The following EML1 variants were observed in gnomAD, a reference collection of about 807,000 sequenced individuals.
EML1 encodes EMAP like 1.
A neutral mutation model predicts 110.4 loss-of-function variants in EML1; 27 were observed. The ratio of observed to expected loss-of-function variants is 0.24; its 90% confidence interval spans 0.18 to 0.34. The LOEUF (loss-of-function observed/expected upper bound fraction) is 0.34. Among genes scored for constraint, EML1 ranks in the 10% least tolerant of loss-of-function variants. The pLI, the probability that EML1 is intolerant of heterozygous loss-of-function variation, is 1.00. For missense variants in EML1, 741 were observed against 1,030.9 expected (o/e 0.72, Z 3.85); for synonymous variants, 344 against 385.8 (o/e 0.89, Z 1.27).
At chr14:99,759,576 C>T (rs1293772982) in intron 1 of EML1, among the ~76,000 whole-genome samples, 2 of 152,240 alleles carry the variant, frequency 1.3e-5, no homozygotes, top group Non-Finnish European at 2.9e-5. Flanking sequence ...CCTGTCCTTT[C>T]ATCCTCCTGA....
intron 3 of EML1, among the ~76,000 whole-genome samples, chr14:99,876,206 G>A (rs1042177161): frequency 6.6e-6 from 1 of 152,112 alleles, no homozygotes; most frequent in Non-Finnish European, 1.5e-5. Flanking sequence ...GCCAGCCCCA[G>A]GCAGGAGCTG....
intron 1 of EML1, among the ~76,000 whole-genome samples, chr14:99,757,795 C>T (rs551476320): frequency 1.3e-5 from 2 of 152,322 alleles, no homozygotes; most frequent in African/African-American, 4.8e-5. Flanking sequence ...ATGAAGCTCC[C>T]TGAATAAAAT....
chr14:99,850,223 T>C (rs1029462499), intron 1 of EML1: 49 of 1,191,092 alleles, frequency 4.1e-5, no homozygotes, highest in Non-Finnish European at 5.4e-5. Flanking sequence ...GTTCTCTGGT[T>C]GGAGCACAGT....
At chr14:99,871,237 G>A (rs1415943192) in intron 3 of EML1, among the ~76,000 whole-genome samples, 1 of 152,192 alleles carries the variant, frequency 6.6e-6, no homozygotes, top group East Asian at 1.9e-4. Flanking sequence ...GATTACAGGC[G>A]TGAGCCACCG....
rs765824219 is a variant in EML1 at position 99,865,496 on chromosome 14, T to C, written c.251-18T>C. 4 of 1,612,918 alleles carry C rather than the reference T, an allele frequency of 2.5e-6. No individual in the cohort carries two copies. The Admixed American group carries it at 5.0e-5, about 20-fold the overall frequency. On this transcript the variant is annotated intron_variant, in intron 2 of 21. Transcript: ENST00000262233. ...GCAAAGGGGAACTTTCTGATATTAT[T>C]TTCTGCTTGTCTTACAGCAAGACCA...
intron 1 of EML1, among the ~76,000 whole-genome samples, chr14:99,787,336 C>T (rs2057612528): frequency 7.0e-6 from 1 of 143,834 alleles, no homozygotes; most frequent in African/African-American, 2.6e-5. Flanking sequence ...GCGGTGGGCA[C>T]GATCTTGGCT....
rs377087806 is a variant in EML1, at chr14:99,912,265, A to G, written c.1494+689A>G. 1.6e-4 allele frequency among the ~76,000 whole-genome samples: 24 copies of G among 152,324 alleles called. No individual in the cohort carries two copies. In the East Asian group the frequency reaches 1.7e-3, roughly 11 times the overall value. On this transcript the variant is annotated intron_variant, in intron 13 of 21. Coordinates refer to ENST00000262233, the MANE Select transcript of EML1 (RefSeq NM_004434.3). ...AGTATTTGTTGAGTATCTACTTCGT[A>G]CATGGCCCTCAGCTAAGTGCCAATG...
chr14:99,748,233 C>T (rs1171102620), intron 1 of EML1, among the ~76,000 whole-genome samples: 4 of 152,090 alleles, frequency 2.6e-5, no homozygotes, highest in African/African-American at 7.2e-5. Context: ...AGCCCCTGCC[C>T]GCAGCCCCAG....
intron 1 of EML1, among the ~76,000 whole-genome samples, chr14:99,747,187 C>A (rs1275988409): frequency 2.4e-3 from 232 of 95,508 alleles, no homozygotes; most frequent in Middle Eastern, 6.7e-3. Context: ...GACCCCGTCT[C>A]AAAAAAAAAA....
chr14:99,824,815 A>G lies in EML1; in HGVS notation c.68-26038A>G, dbSNP rs191288809. 8.2e-4 allele frequency among the ~76,000 whole-genome samples: 124 copies of G among 152,092 alleles called. 1 individual carries two copies. Among genetic ancestry groups the G allele is most frequent in the African/African-American group, 2.7e-3 (113 of 41,492 alleles). ...TGGAGCCTCCAGTGTCTATTATTCC[A>G]CTGTGTGTCCATGTGAACCACTGTT... On this transcript the variant is annotated intron_variant, in intron 1 of 21. Transcript: ENST00000262233.
chr14:99,912,933 C>T (rs577506813), intron 13 of EML1, among the ~76,000 whole-genome samples: 1 of 152,348 alleles, frequency 6.6e-6, no homozygotes, highest in South Asian at 2.1e-4. Context: ...GAGGCTGCTT[C>T]TTTCCTGGAA....
At chr14:99,875,472 G>A (rs570112706) in intron 3 of EML1, among the ~76,000 whole-genome samples, 2 of 152,298 alleles carry the variant, frequency 1.3e-5, no homozygotes, top group Admixed American at 1.3e-4. Context: ...CAGCCACCAG[G>A]TTGAGTGTTA....
Position 99,783,492 on chromosome 14 carries a change from T to G in EML1, c.-27+9479T>G, listed in dbSNP as rs1461860128. Among the ~76,000 whole-genome samples the G allele has an allele frequency of 4.4e-4, 66 of 151,280 alleles. No homozygotes were observed. In the South Asian group the frequency reaches 8.0e-3, roughly 18 times the overall value. On this transcript the variant is annotated intron_variant, in intron 1 of 22. Coordinates refer to the EML1 transcript ENST00000327921. ...TCCAGAGTTAAAGGGGTACTTTTTT[T>G]TTTTTTTTTTGAGACAGAGTCTTGC...
At chr14:99,783,605 C>G (rs1415899864) in intron 1 of EML1, among the ~76,000 whole-genome samples, 1 of 151,884 alleles carries the variant, frequency 6.6e-6, no homozygotes, top group Non-Finnish European at 1.5e-5. Flanking sequence ...CTGCCTCAGC[C>G]TCCTGAGTAG....
upstream of EML1, among the ~76,000 whole-genome samples, chr14:99,793,153 G>T (rs1004758961): frequency 8.1e-5 from 12 of 148,508 alleles, no homozygotes; most frequent in African/African-American, 2.9e-4. Flanking sequence ...CGCCCCTGCG[G>T]CTCCCAGGCC....
intron 6 of EML1, 24 bp downstream of exon 6, chr14:99,894,782 T>G (rs769908049): frequency 6.2e-7 from 1 of 1,600,234 alleles, no homozygotes; most frequent in Non-Finnish European, 8.5e-7. Context: ...ATTGATTAGG[T>G]CTCACATGAA....
At chr14:99,890,897 A>C (rs974326814) in intron 4 of EML1, among the ~76,000 whole-genome samples, 1 of 152,070 alleles carries the variant, frequency 6.6e-6, no homozygotes, top group African/African-American at 2.4e-5. Flanking sequence ...ACATTTAGAC[A>C]GGGTCATTCC....
At chr14:99,803,121 G>C (rs186674209) in intron 1 of EML1, among the ~76,000 whole-genome samples, 2 of 152,300 alleles carry the variant, frequency 1.3e-5, no homozygotes, top group African/African-American at 4.8e-5. Flanking sequence ...GATCGTCTCT[G>C]TGTCTTTTGC....
intron 9 of EML1, among the ~76,000 whole-genome samples, chr14:99,903,801 T>TTG (rs759566913): frequency 6.8e-6 from 1 of 147,768 alleles, no homozygotes; most frequent in African/African-American, 2.5e-5. Flanking sequence ...TTTTTTTTTT[T>TTG]GAGACAGAGT....
Sources: gnomAD v4.1 joint callset for allele counts (sites outside exome capture counted in the v4.1 genomes callset) on GRCh38, gnomAD v4.1.1 for gene constraint, MANE v1.5 for transcripts, NCBI Gene and HGNC (gene_info 2026-07-23, HGNC 2026-07-21) for gene names.